The following KCNH7 variants were observed in gnomAD, a reference collection of about 807,000 sequenced individuals.
The protein encoded by KCNH7 is voltage-gated inwardly rectifying potassium channel KCNH7.
Under a neutral mutation model 120.8 loss-of-function variants are expected in KCNH7, and 49 were observed. The ratio of observed to expected loss-of-function variants is 0.41; its 90% CI spans 0.32 to 0.51. KCNH7 has a LOEUF of 0.51. Among genes scored for constraint, KCNH7 ranks in the 20% least tolerant of loss-of-function variants. KCNH7 has a pLI of 0.38. For synonymous variants in KCNH7, 547 were observed against 516.1 expected (o/e 1.06, Z -0.81); for missense variants, 1,097 against 1,446.6 (o/e 0.76, Z 3.92).
At chr2:162,588,924 T>C (rs943400857) in intron 2 of KCNH7, among the ~76,000 whole-genome samples, 10 of 152,036 alleles carry the variant, frequency 6.6e-5, no homozygotes, top group Non-Finnish European at 1.5e-4. Flanking sequence ...CAATGGTGGG[T>C]GCGATCCTAG....
intron 2 of KCNH7, among the ~76,000 whole-genome samples, chr2:162,663,420 T>C (rs1055454129): frequency 5.3e-5 from 8 of 152,220 alleles, no homozygotes; most frequent in African/African-American, 1.7e-4. Flanking sequence ...TAATTCTTGA[T>C]GATTTACTAA....
Position 162,592,334 on chromosome 2 carries a change from AC to A in KCNH7, c.308-55255del, listed in dbSNP as rs1324191768. On this transcript the variant is annotated intron_variant, in intron 2 of 15. Coordinates refer to ENST00000332142, the MANE Select transcript of KCNH7 (RefSeq NM_033272.4). ...ATCGCCAAGGAAAGGGGTGGAGGCC[AC>A]CAGAGTCAGAGAGATATCCTTAAGT... Among the ~76,000 whole-genome samples, 8 of 152,210 alleles carry A rather than the reference AC, an allele frequency of 5.3e-5. No homozygotes were observed. In the South Asian group the frequency reaches 1.5e-3, roughly 28 times the overall value.
intron 3 of KCNH7, among the ~76,000 whole-genome samples, chr2:162,528,716 T>C (rs915058465): frequency 2.0e-5 from 3 of 151,956 alleles, no homozygotes; most frequent in African/African-American, 7.2e-5. Flanking sequence ...AGTGGACTAT[T>C]ATGATGTGAT....
At chr2:162,579,103 A>T (rs1345726797) in intron 2 of KCNH7, among the ~76,000 whole-genome samples, 1 of 151,990 alleles carries the variant, frequency 6.6e-6, no homozygotes, top group Non-Finnish European at 1.5e-5. Context: ...TATGAGGCTT[A>T]TGAGGGCTCT....
chr2:162,469,506 C>T (rs1689422669), intron 6 of KCNH7, among the ~76,000 whole-genome samples: 1 of 148,900 alleles, frequency 6.7e-6, no homozygotes, highest in East Asian at 1.9e-4. Flanking sequence ...TTGAGTGAAT[C>T]TTAAAGGATA....
chr2:162,563,950 G>C (rs1693159802), intron 2 of KCNH7, among the ~76,000 whole-genome samples: 1 of 152,072 alleles, frequency 6.6e-6, no homozygotes, highest in African/African-American at 2.4e-5. Context: ...CTTCTTCTCA[G>C]GGGCTTAAAA....
intron 2 of KCNH7, among the ~76,000 whole-genome samples, chr2:162,619,357 G>A (rs1334364800): frequency 6.6e-5 from 10 of 151,786 alleles, no homozygotes. Context: ...AAAAGACCTA[G>A]GGTAATACTG....
At chr2:162,653,874 C>T (rs1684650717) in intron 2 of KCNH7, among the ~76,000 whole-genome samples, 1 of 151,992 alleles carries the variant, frequency 6.6e-6, no homozygotes, top group South Asian at 2.1e-4. Flanking sequence ...CACAAAAGTG[C>T]CAAAAACATA....
chr2:162,745,812 A>T (rs890298938), intron 2 of KCNH7, among the ~76,000 whole-genome samples: 1 of 152,070 alleles, frequency 6.6e-6, no homozygotes, highest in Non-Finnish European at 1.5e-5. Flanking sequence ...TATATGTCTT[A>T]GATTTTTTTC....
At chr2:162,828,940 A>C (rs1685381815) in intron 2 of KCNH7, among the ~76,000 whole-genome samples, 1 of 152,152 alleles carries the variant, frequency 6.6e-6, no homozygotes, top group Non-Finnish European at 1.5e-5. Flanking sequence ...ACAAGTTTGC[A>C]CACAAGCAGG....
chr2:162,396,994 A>G lies in KCNH7; in HGVS notation c.2408-49T>C, dbSNP rs377006685. 5.6e-6 allele frequency: 7 copies of G among 1,260,332 alleles called. No individual in the cohort carries two copies. The African/African-American group carries it at 6.0e-5, about 11-fold the overall frequency. 78.1% of individuals were successfully genotyped at this position (1,260,332 alleles called of 1,614,324 possible). ...GGCGGGGAAAGGGAATCCAAACTCA[A>G]TGTTCTCCTTCTAAAAGTAGAAGGG... On this transcript the variant is annotated intron_variant, in intron 10 of 15. Coordinates refer to ENST00000332142, the MANE Select transcript of KCNH7 (RefSeq NM_033272.4).
intron 2 of KCNH7, among the ~76,000 whole-genome samples, chr2:162,823,909 T>TTTTTTTTTGAGAC (rs1323149636): frequency 2.6e-5 from 4 of 152,150 alleles, no homozygotes; most frequent in Non-Finnish European, 5.9e-5. Context: ...ATTTTTTAAT[T>TTTTTTTTTGAGAC]GCCATATAAG....
chr2:162,827,412 A>G (rs931946527), intron 2 of KCNH7, among the ~76,000 whole-genome samples: 2 of 152,122 alleles, frequency 1.3e-5, no homozygotes, highest in African/African-American at 4.8e-5. Flanking sequence ...AGTCAGTCAT[A>G]CAATATATAG....
chr2:162,447,517 A>T (rs1348911190), intron 6 of KCNH7, among the ~76,000 whole-genome samples: 1 of 152,100 alleles, frequency 6.6e-6, no homozygotes, highest in Non-Finnish European at 1.5e-5. Context: ...TTCTAATTTA[A>T]TGCTATGAAT....
At chr2:162,667,018 C>CTTTTTT (rs34213467) in intron 2 of KCNH7, among the ~76,000 whole-genome samples, 171 of 124,112 alleles carry the variant, frequency 1.4e-3, no homozygotes, top group Non-Finnish European at 2.3e-3. Context: ...TTTTCTTTTT[C>CTTTTTT]TTTTTTTTTT....
At chr2:162,397,285 C>A (rs537337428) in intron 10 of KCNH7, among the ~76,000 whole-genome samples, 1 of 151,674 alleles carries the variant, frequency 6.6e-6, no homozygotes, top group East Asian at 2.0e-4. Context: ...CTGATTTTTT[C>A]AATTCAGGAA....
At position 162,459,732 on chromosome 2, in the gene KCNH7, A is replaced by G. The variant is rs113534387; in HGVS notation, c.1129-13289T>C. On this transcript the variant is annotated intron_variant, in intron 6 of 15. Transcript: ENST00000332142. The stretch of plus-strand genomic sequence containing the variant: ...ATAAAGCCACATCCATATTCTGCAC[A>G]ATCATGTGAACCAGCTCACCCATTG... Among the ~76,000 whole-genome samples the G allele has an allele frequency of 3.6e-4, 55 of 152,292 alleles. 1 individual carries two copies. Among genetic ancestry groups the G allele is most frequent in the African/African-American group, 1.3e-3 (54 of 41,568 alleles).
At chr2:162,661,625 G>A (rs908939289) in intron 2 of KCNH7, among the ~76,000 whole-genome samples, 8 of 152,062 alleles carry the variant, frequency 5.3e-5, no homozygotes, top group Non-Finnish European at 8.8e-5. Context: ...GAGGCTCAAT[G>A]TCTGTGGTAT....
At chr2:162,537,953 C>T (rs182432325) in intron 2 of KCNH7, 2 of 152,186 alleles carry the variant, frequency 1.3e-5, no homozygotes, top group Admixed American at 6.5e-5. Flanking sequence ...TTCTAGAATT[C>T]CCTCAAAGCA....
Sources: gnomAD v4.1 joint callset for allele counts (sites outside exome capture counted in the v4.1 genomes callset) on GRCh38, gnomAD v4.1.1 for gene constraint, MANE v1.5 for transcripts, NCBI Gene and HGNC (gene_info 2026-07-23, HGNC 2026-07-21) for gene names.